Variants in CYLC2 observed in about 807,000 individuals in gnomAD.
CYLC2 encodes the protein cylicin-2.
In CYLC2, 30 loss-of-function variants were observed where a neutral mutation model predicts 26.1. The observed-to-expected ratio is 1.15, with a 90% CI of 0.86 to 1.56. CYLC2 has a LOEUF of 1.56. CYLC2 is among the 40% of genes most tolerant of loss of function. The probability of loss-of-function intolerance (pLI) is 0.00; values close to 1 mark genes in which losing one functional copy is unlikely to be tolerated. For missense variants in CYLC2, 498 were observed against 394.4 expected, an observed-to-expected ratio of 1.26 and a Z score of -2.23; for synonymous variants, 158 against 132.8, an observed-to-expected ratio of 1.19 and a Z score of -1.31.
At chr9:103,003,389 T>C in intron 3 of CYLC2, 126 bp downstream of exon 3, 1 of 841,868 alleles carries the variant, frequency 1.2e-6, no homozygotes, top group Middle Eastern at 3.3e-4. Context: ...AAATCATGTA[T>C]AGTTGTATGT....
chr9:103,010,263 A>C (rs1169044603), intron 5 of CYLC2, among the ~76,000 whole-genome samples: 1 of 152,092 alleles, frequency 6.6e-6, no homozygotes, highest in Non-Finnish European at 1.5e-5. Flanking sequence ...TTGTAAAAGC[A>C]GTGGCAAAAT....
At chr9:103,017,040 GTTTT>G (rs35208904) in intron 7 of CYLC2, 79 bp downstream of exon 7, 1 of 147,710 alleles carries the variant, frequency 6.8e-6, no homozygotes, top group Non-Finnish European at 1.5e-5. Context: ...TAATTTAAAG[GTTTT>G]TTTTTTTCAT....
chr9:102,999,048 G>C (rs1318545167), intron 1 of CYLC2, among the ~76,000 whole-genome samples: 1 of 151,744 alleles, frequency 6.6e-6, no homozygotes, highest in Non-Finnish European at 1.5e-5. Flanking sequence ...TTTAGTTTGA[G>C]GTTATTGTGA....
At chr9:103,013,254 T>A (rs1237315975) in intron 6 of CYLC2, among the ~76,000 whole-genome samples, 2 of 103,802 alleles carry the variant, frequency 1.9e-5, no homozygotes, top group Non-Finnish European at 3.6e-5. Context: ...AAATATATAT[T>A]TAATGTGTTA....
chr9:103,013,634 A>T (rs930885218), intron 6 of CYLC2, among the ~76,000 whole-genome samples: 9 of 112,022 alleles, frequency 8.0e-5, no homozygotes, highest in Admixed American at 2.4e-4. Context: ...TTATATAGAT[A>T]TATATTTATA....
At chr9:103,008,001 T>G (rs1829369077) in intron 5 of CYLC2, among the ~76,000 whole-genome samples, 2 of 152,130 alleles carry the variant, frequency 1.3e-5, no homozygotes, top group East Asian at 3.9e-4. Flanking sequence ...AGTCAAATCC[T>G]GGCCCTTTGT....
intron 1 of CYLC2, among the ~76,000 whole-genome samples, chr9:102,996,753 A>G (rs1331015814): frequency 6.6e-6 from 1 of 151,972 alleles, no homozygotes; most frequent in Non-Finnish European, 1.5e-5. Context: ...CTTGTATGTG[A>G]TAAAGAAAAT....
intron 5 of CYLC2, among the ~76,000 whole-genome samples, chr9:103,009,847 GTAA>G (rs1829387900): frequency 6.6e-6 from 1 of 151,390 alleles, no homozygotes. Flanking sequence ...TTTTATCTTT[GTAA>G]TAATAACCAA....
At chr9:103,014,040 ATACT>A (rs1829455694) in intron 6 of CYLC2, among the ~76,000 whole-genome samples, 1 of 117,644 alleles carries the variant, frequency 8.5e-6, no homozygotes, top group Non-Finnish European at 1.6e-5. Flanking sequence ...TATTATATAC[ATACT>A]TTATATATCT....
At position 102,999,859 on chromosome 9, in the gene CYLC2, A is replaced by AT. The variant is rs556358467; in HGVS notation, c.18-1713dup. Among the ~76,000 whole-genome samples, 500 of 151,910 alleles carry AT rather than the reference A, an allele frequency of 3.3e-3. 3 individuals are homozygous for AT. Among genetic ancestry groups the AT allele is most frequent in the African/African-American group, 0.011 (456 of 41,518 alleles). ...GCAATTTTATATGTTTGTCAGTATGATTTTTTAAATTTTAAGAAATTATGT... is the reference window on the plus strand; with the variant it reads ...GCAATTTTATATGTTTGTCAGTATGATTTTTTTAAATTTTAAGAAATTATGT... On this transcript the variant is annotated intron_variant, in intron 1 of 7. Coordinates refer to ENST00000374798, the MANE Select transcript of CYLC2 (RefSeq NM_001340.5).
At chr9:103,000,298 T>A (rs1166335527) in intron 1 of CYLC2, among the ~76,000 whole-genome samples, 2 of 152,014 alleles carry the variant, frequency 1.3e-5, no homozygotes, top group Admixed American at 1.3e-4. Context: ...GGTGATTAAA[T>A]AATATGTCCT....
intron 5 of CYLC2, among the ~76,000 whole-genome samples, 189 bp from the exon 6 acceptor site, chr9:103,011,793 G>A (rs1829409310): frequency 6.6e-6 from 1 of 151,934 alleles, no homozygotes; most frequent in Non-Finnish European, 1.5e-5. Flanking sequence ...GTAGCTATTT[G>A]CATAATTTTT....
In CYLC2 at chr9:103,005,221, A is replaced by G; in HGVS notation, c.590A>G (p.Asn197Ser). Residue 197 changes from asparagine to serine, a missense_variant, in exon 5 of 8, where the codon AAC becomes AGC. Coordinates refer to ENST00000374798, the MANE Select transcript of CYLC2 (RefSeq NM_001340.5). ...AACAAAAAAGATAAAAAGGATTCAA[A>G]CAAAGGCAAAGACTCGGCAACAGAA... ...KDNKKDKKDSNKGKDSATESE... is the reference protein window; with the variant it reads ...KDNKKDKKDSSKGKDSATESE... 1 of 1,610,294 alleles carries G rather than the reference A, an allele frequency of 6.2e-7. No individual in the cohort carries two copies. Among genetic ancestry groups the G allele is most frequent in the Non-Finnish European group, 8.5e-7 (1 of 1,179,076 alleles).
intron 5 of CYLC2, among the ~76,000 whole-genome samples, chr9:103,008,415 T>C (rs190987915): frequency 1.3e-5 from 2 of 152,268 alleles, no homozygotes; most frequent in East Asian, 3.9e-4. Flanking sequence ...ACCATTCTTA[T>C]GCTGTTGAAT....
chr9:103,007,302 T>A (rs192045276), intron 5 of CYLC2, among the ~76,000 whole-genome samples: 8 of 152,222 alleles, frequency 5.3e-5, no homozygotes, highest in African/African-American at 1.7e-4. Context: ...TATTACCAAT[T>A]AAGCATCCAA....
At chr9:103,008,884 C>T (rs1391326783) in intron 5 of CYLC2, among the ~76,000 whole-genome samples, 1 of 152,156 alleles carries the variant, frequency 6.6e-6, no homozygotes, top group South Asian at 2.1e-4. Context: ...TAGAAACCAT[C>T]ATGTTTCTCC....
intron 5 of CYLC2, among the ~76,000 whole-genome samples, chr9:103,006,750 T>A (rs1829355932): frequency 6.6e-6 from 1 of 152,182 alleles, no homozygotes; most frequent in African/African-American, 2.4e-5. Context: ...GAATTAATTA[T>A]TGTCTTTTTC....
intron 5 of CYLC2, among the ~76,000 whole-genome samples, chr9:103,008,414 A>G (rs148781315): frequency 9.3e-4 from 142 of 152,248 alleles, no homozygotes; most frequent in African/African-American, 3.1e-3. Context: ...TACCATTCTT[A>G]TGCTGTTGAA....
chr9:103,003,091 T>C, intron 2 of CYLC2, 51 bp from the exon 3 acceptor site: 1 of 1,600,424 alleles, frequency 6.2e-7, no homozygotes, highest in Admixed American at 1.7e-5. Context: ...ATTTCAGCTC[T>C]GATGGAATTC....
Sources: allele counts gnomAD v4.1 joint callset (sites outside exome capture counted in the v4.1 genomes callset), GRCh38; gene constraint gnomAD v4.1.1; transcripts MANE v1.5; gene names NCBI Gene and HGNC (gene_info 2026-07-23, HGNC 2026-07-21).